Variants in CHIA observed in about 807,000 individuals in gnomAD.
CHIA encodes acidic mammalian chitinase.
A neutral mutation model predicts 53.5 loss-of-function variants in CHIA; 47 were observed. The observed-to-expected ratio is 0.88, with a 90% CI of 0.70 to 1.12. CHIA has a LOEUF of 1.12. Among genes scored for constraint, CHIA ranks in the 50% most tolerant of loss-of-function variants. CHIA has a pLI of 0.00. For synonymous variants in CHIA, 268 were observed against 222.2 expected (o/e 1.21, Z -1.83); for missense variants, 652 against 592.2 (o/e 1.10, Z -1.05).
At chr1:111,307,231 T>A (rs1648257615) in intron 1 of CHIA, among the ~76,000 whole-genome samples, 1 of 152,102 alleles carries the variant, frequency 6.6e-6, no homozygotes, top group Admixed American at 6.5e-5. Flanking sequence ...GATAAGTAAA[T>A]CACAGCATAT....
intron 11 of CHIA, 119 bp from the exon 12 acceptor site, chr1:111,320,094 A>C (rs2101657471): frequency 1.2e-6 from 1 of 803,490 alleles, no homozygotes; most frequent in African/African-American, 1.7e-5. Flanking sequence ...AGTTGCAGGG[A>C]TCCAGAGCCA....
At chr1:111,299,844 C>A (rs544570099) in intron 1 of CHIA, among the ~76,000 whole-genome samples, 1 of 152,316 alleles carries the variant, frequency 6.6e-6, no homozygotes, top group Admixed American at 6.5e-5. Context: ...GTCATCTCAG[C>A]CCAAAATCTC....
chr1:111,315,168 G>T (rs774643008), intron 5 of CHIA, 102 bp from the exon 6 acceptor site: 22 of 792,436 alleles, frequency 2.8e-5, no homozygotes, highest in Non-Finnish European at 4.5e-5. Context: ...CTGGGCTGTG[G>T]GTCCTGATGA....
At chr1:111,314,366 T>A (rs1648969518) in intron 4 of CHIA, among the ~76,000 whole-genome samples, 174 bp from the exon 5 acceptor site, 2 of 152,194 alleles carry the variant, frequency 1.3e-5, no homozygotes, top group South Asian at 4.1e-4. Flanking sequence ...AGTGCATTCA[T>A]GACAGGAACA....
At chr1:111,312,537 T>C (rs1188438958) in intron 4 of CHIA, 146 bp downstream of exon 4, 10 of 673,008 alleles carry the variant, frequency 1.5e-5, no homozygotes, top group Non-Finnish European at 2.6e-5. Context: ...CTGACAAAAA[T>C]TGTATGTGTT....
At chr1:111,316,165 A>G (rs1649142786) in intron 6 of CHIA, 2 of 220,362 alleles carry the variant, frequency 9.1e-6, no homozygotes, top group South Asian at 1.3e-4. Flanking sequence ...GGCACAAATG[A>G]TATACAGATA....
chr1:111,300,389 G>T (rs1173269362), intron 1 of CHIA, among the ~76,000 whole-genome samples: 1 of 152,134 alleles, frequency 6.6e-6, no homozygotes, highest in Non-Finnish European at 1.5e-5. Context: ...CAGATATATA[G>T]ACCAATGGAA....
chr1:111,310,445 C>T lies in CHIA; in HGVS notation c.-23C>T, dbSNP rs746464086. On this transcript the variant is annotated 5_prime_UTR_variant, in exon 2 of 12. Transcript: ENST00000369740. Reference sequence around the variant, plus strand: ...GAATCAGAACATATAAAAAGCTCTGCGGGACTGGTGCTGACTGCAACCATG... The same window carrying T: ...GAATCAGAACATATAAAAAGCTCTGTGGGACTGGTGCTGACTGCAACCATG... 9.3e-6 allele frequency: 15 copies of T among 1,613,876 alleles called. No homozygotes were observed. Among genetic ancestry groups the T allele is most frequent in the African/African-American group, 1.3e-5 (1 of 74,918 alleles).
Position 111,320,261 on chromosome 1 carries a change from G to T in CHIA, c.1226G>T (p.Ser409Ile). The T allele has an allele frequency of 6.2e-7, 1 of 1,614,064 alleles. No homozygotes were observed. The highest frequency in any genetic ancestry group is 8.5e-7 in the Non-Finnish European group (1 of 1,179,890). The change falls in exon 12 of 12, where the codon AGT becomes ATT. Residue 409 changes from serine to isoleucine, a missense_variant. Transcript: ENST00000369740. ...ATTGAGCCAATAACTGCTGCTCCCA[G>T]TGGCAGCGGGAACGGGAGCGGGAGT... ...QPIEPITAAP[S>I]GSGNGSGSSS...
At chr1:111,296,746 C>T (rs747026032) in intron 1 of CHIA, among the ~76,000 whole-genome samples, 1 of 152,160 alleles carries the variant, frequency 6.6e-6, no homozygotes, top group Non-Finnish European at 1.5e-5. Context: ...CAGAAGTAGG[C>T]TTCAGAAGGT....
intron 1 of CHIA, among the ~76,000 whole-genome samples, chr1:111,300,963 A>G (rs1368424720): frequency 2.0e-5 from 3 of 152,272 alleles, no homozygotes; most frequent in African/African-American, 7.2e-5. Flanking sequence ...TTATGCAGCC[A>G]ACAGACATGT....
At chr1:111,318,212 G>C in intron 8 of CHIA, 103 bp downstream of exon 8, 3 of 1,239,358 alleles carry the variant, frequency 2.4e-6, no homozygotes, top group Non-Finnish European at 3.4e-6. Flanking sequence ...TTTCTCAAAT[G>C]GGAAATTAGG....
Position 111,318,097 on chromosome 1 carries a change from C to T in CHIA, c.717C>T (p.Ala239=). 1 of 1,612,652 alleles carries T rather than the reference C, an allele frequency of 6.2e-7. No homozygotes were observed. The highest frequency in any genetic ancestry group is 8.5e-7 in the Non-Finnish European group (1 of 1,178,690). ...YKYPTDTGSN[A]YLNVDYVMNY... ...ACCCGACTGACACCGGCAGCAACGC[C>T]TACCTCAATGTGGTGAGTCCCTGTA... The change falls in exon 8 of 12, where the codon GCC becomes GCT. Residue 239 remains alanine, a synonymous_variant. Coordinates refer to ENST00000369740, the MANE Select transcript of CHIA (RefSeq NM_201653.4).
chr1:111,314,360 C>A, intron 4 of CHIA, among the ~76,000 whole-genome samples, 180 bp from the exon 5 acceptor site: 1 of 152,152 alleles, frequency 6.6e-6, no homozygotes, highest in African/African-American at 2.4e-5. Context: ...ACCCTGAGTG[C>A]ATTCATGACA....
chr1:111,316,187 G>A (rs1362653338), intron 6 of CHIA: 3 of 177,318 alleles, frequency 1.7e-5, no homozygotes, highest in African/African-American at 7.2e-5. Flanking sequence ...GTGTGAGCAA[G>A]TGGGTGATAA....
intron 1 of CHIA, among the ~76,000 whole-genome samples, chr1:111,302,179 T>G (rs1647813309): frequency 3.3e-5 from 5 of 152,208 alleles, no homozygotes; most frequent in Admixed American, 3.3e-4. Context: ...AAAAGTTTGT[T>G]GAAATGTTTT....
chr1:111,315,986 G>A (rs1000575908), intron 6 of CHIA: 19 of 382,386 alleles, frequency 5.0e-5, no homozygotes, highest in Admixed American at 8.9e-5. Flanking sequence ...CAATGGCAAT[G>A]CATTGTGATA....
Position 111,310,239 on chromosome 1 carries a change from G to A in CHIA, c.-68-161G>A, listed in dbSNP as rs144380682. 7.6e-3 allele frequency: 6,170 copies of A among 814,608 alleles called. 26 individuals are homozygous for A. The highest frequency in any genetic ancestry group is 9.8e-3 in the Non-Finnish European group (5,525 of 565,758). 50.5% of individuals were successfully genotyped at this position (814,608 alleles called of 1,614,324 possible). On this transcript the variant is annotated intron_variant, in intron 1 of 11. Coordinates refer to ENST00000369740, the MANE Select transcript of CHIA (RefSeq NM_201653.4). ...GTGATGGTCTCCACCACCCTGTTAG[G>A]AGCCATGACATTGTTCTGTCCTTGT...
At chr1:111,295,729 C>T (rs904463748) in intron 1 of CHIA, among the ~76,000 whole-genome samples, 11 of 152,064 alleles carry the variant, frequency 7.2e-5, no homozygotes, top group South Asian at 2.1e-4. Context: ...GTGCAGCCCA[C>T]GGAGGGTGAG....
Sources: gnomAD v4.1 joint callset for allele counts (sites outside exome capture counted in the v4.1 genomes callset) on GRCh38, gnomAD v4.1.1 for gene constraint, MANE v1.5 for transcripts, NCBI Gene and HGNC (gene_info 2026-07-23, HGNC 2026-07-21) for gene names.